EML4: variants seen among roughly 807,000 people sequenced by gnomAD.
The protein encoded by EML4 is echinoderm microtubule-associated protein-like 4.
In EML4, 72 loss-of-function variants were observed where a neutral mutation model predicts 129.0. That is an observed-to-expected ratio of 0.56 (90% CI 0.46 to 0.68). EML4 has a LOEUF of 0.68. Ranked by LOEUF, EML4 falls within the 30% of genes least tolerant of loss-of-function variation. EML4 has a pLI of 0.00. For missense variants in EML4, 1,363 were observed against 1,190.6 expected, an observed-to-expected ratio of 1.14 and a Z score of -2.13; for synonymous variants, 532 against 405.0, an observed-to-expected ratio of 1.31 and a Z score of -3.77.
rs1349297444 is a variant in EML4, at chr2:42,261,132, AAAAG to A, written c.358_361del (p.Glu120AsnfsTer52). 7 of 1,608,210 alleles carry A rather than the reference AAAAG, an allele frequency of 4.4e-6. No homozygotes were observed. Among genetic ancestry groups the A allele is most frequent in the South Asian group, 2.2e-5 (2 of 90,646 alleles). ...ACTTTATTTTACAGTGGTACAGAAA[AAAAG>A]AAAGAAAAACCACAAGGACAGAGAG... On this transcript the variant is annotated frameshift_variant, in exon 4 of 23. Coordinates refer to ENST00000318522, the MANE Select transcript of EML4 (RefSeq NM_019063.5). LOFTEE classifies it high-confidence loss of function.
At chr2:42,196,705 T>C (rs2103935480) in intron 1 of EML4, among the ~76,000 whole-genome samples, 1 of 152,334 alleles carries the variant, frequency 6.6e-6, no homozygotes, top group East Asian at 1.9e-4. Flanking sequence ...AATTTCCTTC[T>C]TGTTAAAAAT....
chr2:42,270,346 C>T (rs1159232230), intron 6 of EML4, among the ~76,000 whole-genome samples: 1 of 152,116 alleles, frequency 6.6e-6, no homozygotes, highest in Non-Finnish European at 1.5e-5. Flanking sequence ...ATTGCTTGAG[C>T]TCAGGAGTTC....
intron 18 of EML4, among the ~76,000 whole-genome samples, 191 bp downstream of exon 18, chr2:42,316,241 A>G (rs1164496480): frequency 1.3e-5 from 2 of 152,268 alleles, no homozygotes; most frequent in African/African-American, 4.8e-5. Flanking sequence ...AGTTTAAACA[A>G]CATTCTGAAT....
chr2:42,170,609 C>G (rs1004143770), intron 1 of EML4, among the ~76,000 whole-genome samples: 2 of 152,212 alleles, frequency 1.3e-5, no homozygotes, highest in Admixed American at 6.5e-5. Context: ...TCTGGAATTA[C>G]TATTCTTCGA....
chr2:42,231,712 G>A (rs1009648656), intron 1 of EML4, among the ~76,000 whole-genome samples: 1 of 152,178 alleles, frequency 6.6e-6, no homozygotes, highest in South Asian at 2.1e-4. Context: ...CACTTTGGGA[G>A]GCCAAGGTGG....
chr2:42,264,885 T>C (rs1366649285), intron 6 of EML4, 154 bp downstream of exon 6: 1 of 1,547,758 alleles, frequency 6.5e-7, no homozygotes, highest in Non-Finnish European at 8.7e-7. Flanking sequence ...ACCCAGTTTT[T>C]ATTGTAAGGT....
chr2:42,315,292 G>A (rs545635500), intron 17 of EML4, among the ~76,000 whole-genome samples: 2 of 152,236 alleles, frequency 1.3e-5, no homozygotes, highest in South Asian at 4.2e-4. Flanking sequence ...CATCACTGAG[G>A]TTGGCATTTC....
chr2:42,244,931 A>G (rs1675286592), intron 1 of EML4, among the ~76,000 whole-genome samples: 1 of 151,930 alleles, frequency 6.6e-6, no homozygotes, highest in South Asian at 2.1e-4. Context: ...TGATGTTGTA[A>G]AAATAGGGGA....
At chr2:42,214,378 A>G (rs1420016989) in intron 1 of EML4, among the ~76,000 whole-genome samples, 2 of 152,242 alleles carry the variant, frequency 1.3e-5, no homozygotes, top group Non-Finnish European at 1.5e-5. Flanking sequence ...GTTATTCCCA[A>G]CTATGTAGCT....
At chr2:42,242,706 TCTTTC>T (rs1232616854) in intron 1 of EML4, among the ~76,000 whole-genome samples, 1 of 151,538 alleles carries the variant, frequency 6.6e-6, no homozygotes, top group Non-Finnish European at 1.5e-5. Flanking sequence ...TCTTTTCTTT[TCTTTC>T]CTTTTCTTTT....
At chr2:42,187,354 G>T (rs1488042341) in intron 1 of EML4, among the ~76,000 whole-genome samples, 1 of 151,996 alleles carries the variant, frequency 6.6e-6, no homozygotes, top group African/African-American at 2.4e-5. Flanking sequence ...AGCGTATTTT[G>T]TCTTTTCTAG....
intron 1 of EML4, among the ~76,000 whole-genome samples, chr2:42,171,377 T>A (rs1203374637): frequency 6.6e-6 from 1 of 152,240 alleles, no homozygotes; most frequent in Non-Finnish European, 1.5e-5. Context: ...TCTAAAGATT[T>A]CTGGAGGGCT....
chr2:42,196,099 T>C (rs1339967727), intron 1 of EML4, among the ~76,000 whole-genome samples: 1 of 152,198 alleles, frequency 6.6e-6, no homozygotes, highest in Non-Finnish European at 1.5e-5. Context: ...AGATTTGAGA[T>C]TGAACCTTGT....
chr2:42,298,743 A>C (rs1487862921), intron 13 of EML4, among the ~76,000 whole-genome samples: 1 of 151,986 alleles, frequency 6.6e-6, no homozygotes, highest in African/African-American at 2.4e-5. Flanking sequence ...TTAAGTGTTT[A>C]ACAAGGTTTT....
intron 5 of EML4, 103 bp downstream of exon 5, chr2:42,263,409 T>C (rs1665856991): frequency 8.8e-7 from 1 of 1,135,804 alleles, no homozygotes; most frequent in East Asian, 3.0e-5. Flanking sequence ...TTTTTTTTTT[T>C]TTTTTTTTTT....
At chr2:42,204,217 G>A (rs1217475087) in intron 1 of EML4, among the ~76,000 whole-genome samples, 1 of 152,074 alleles carries the variant, frequency 6.6e-6, no homozygotes, top group African/African-American at 2.4e-5. Flanking sequence ...ACCATACCTG[G>A]CCTATCTTTC....
intron 19 of EML4, among the ~76,000 whole-genome samples, chr2:42,321,154 C>T (rs868431324): frequency 6.5e-5 from 7 of 108,080 alleles, no homozygotes; most frequent in African/African-American, 2.2e-4. Flanking sequence ...GAGGCCAAGG[C>T]GGGCGGATCA....
chr2:42,283,077 ATGTAAAAATATTATGGGTCATC>A (rs1158731017), intron 8 of EML4, 105 bp downstream of exon 8: 1 of 1,087,006 alleles, frequency 9.2e-7, no homozygotes, highest in Non-Finnish European at 1.3e-6. Context: ...AAAGCTCAGA[ATGTAAAAATATTATGGGTCATC>A]TGTTGAATAT....
At chr2:42,328,086 T>G (rs1399392454) in intron 21 of EML4, among the ~76,000 whole-genome samples, 1 of 152,196 alleles carries the variant, frequency 6.6e-6, no homozygotes, top group African/African-American at 2.4e-5. Flanking sequence ...GTAGCTTCTG[T>G]GGTTATTTTA....
Sources: allele counts gnomAD v4.1 joint callset (sites outside exome capture counted in the v4.1 genomes callset), GRCh38; gene constraint gnomAD v4.1.1; transcripts MANE v1.5; gene names NCBI Gene and HGNC (gene_info 2026-07-23, HGNC 2026-07-21).